DPYD: variants seen among roughly 807,000 people sequenced by gnomAD.
DPYD encodes the protein dihydropyrimidine dehydrogenase [NADP(+)].
Under a neutral mutation model 116.2 loss-of-function variants are expected in DPYD, and 109 were observed. The observed-to-expected ratio is 0.94, with a 90% CI of 0.80 to 1.10. The LOEUF (loss-of-function observed/expected upper bound fraction) is 1.10, where lower values mean the gene tolerates loss of function less well. DPYD is among the 50% of genes least tolerant of loss of function. The pLI is 0.00. For synonymous variants in DPYD, 440 were observed against 432.0 expected (o/e 1.02, Z -0.23); for missense variants, 1,302 against 1,254.5 (o/e 1.04, Z -0.57).
At chr1:97,112,623 G>A (rs1651680952) in intron 20 of DPYD, among the ~76,000 whole-genome samples, 1 of 151,998 alleles carries the variant, frequency 6.6e-6, no homozygotes, top group Non-Finnish European at 1.5e-5. Flanking sequence ...AATTCATCAG[G>A]GATTCCTGTA....
At chr1:97,194,502 TA>T in intron 19 of DPYD, among the ~76,000 whole-genome samples, 1 of 151,722 alleles carries the variant, frequency 6.6e-6, no homozygotes, top group Admixed American at 6.6e-5. Context: ...TATATCTTTT[TA>T]TTTATTTATT....
intron 16 of DPYD, among the ~76,000 whole-genome samples, chr1:97,332,310 A>C (rs1316385805): frequency 1.3e-5 from 2 of 152,240 alleles, no homozygotes; most frequent in East Asian, 3.8e-4. Context: ...AAAAGAGCTA[A>C]ATAAAAATGT....
chr1:97,502,772 C>G (rs1025691175), intron 13 of DPYD, among the ~76,000 whole-genome samples: 5 of 151,828 alleles, frequency 3.3e-5, no homozygotes, highest in Non-Finnish European at 7.4e-5. Flanking sequence ...GTCTGGCATA[C>G]AGATTATGGT....
chr1:97,595,772 T>C (rs1033110893), intron 8 of DPYD, among the ~76,000 whole-genome samples: 1 of 151,586 alleles, frequency 6.6e-6, no homozygotes. Context: ...AGCTTTTCAA[T>C]GGAAACATAA....
chr1:97,764,049 T>C (rs1009168663), intron 3 of DPYD, among the ~76,000 whole-genome samples: 27 of 152,108 alleles, frequency 1.8e-4, no homozygotes, highest in African/African-American at 6.0e-4. Context: ...TGACAGAACC[T>C]TTTGTGGTGA....
intron 19 of DPYD, among the ~76,000 whole-genome samples, chr1:97,222,627 A>C (rs999708548): frequency 6.6e-6 from 1 of 152,156 alleles, no homozygotes; most frequent in Admixed American, 6.5e-5. Flanking sequence ...ATAATGTGAT[A>C]ACTGACACAG....
At chr1:97,398,609 T>G (rs970603531) in intron 14 of DPYD, among the ~76,000 whole-genome samples, 2 of 152,168 alleles carry the variant, frequency 1.3e-5, no homozygotes, top group Non-Finnish European at 2.9e-5. Flanking sequence ...CAGCACCTGT[T>G]GTTTCCTGAC....
chr1:97,363,147 T>C (rs555606154), intron 16 of DPYD, among the ~76,000 whole-genome samples: 1 of 152,294 alleles, frequency 6.6e-6, no homozygotes, highest in African/African-American at 2.4e-5. Context: ...GCAAAGGATA[T>C]GAACAGACAT....
chr1:97,231,237 G>A (rs533843764), intron 19 of DPYD, among the ~76,000 whole-genome samples: 41 of 152,184 alleles, frequency 2.7e-4, no homozygotes, highest in South Asian at 8.3e-4. Context: ...TAATATTCCC[G>A]TCTTACAGGT....
chr1:97,551,791 T>C (rs796888418), intron 11 of DPYD, among the ~76,000 whole-genome samples: 9 of 152,218 alleles, frequency 5.9e-5, no homozygotes, highest in African/African-American at 2.2e-4. Flanking sequence ...GAGGATTCAA[T>C]CAACTGTGCA....
intron 19 of DPYD, among the ~76,000 whole-genome samples, chr1:97,222,362 C>A (rs1448789817): frequency 6.6e-6 from 1 of 152,072 alleles, no homozygotes; most frequent in Non-Finnish European, 1.5e-5. Flanking sequence ...TTGAAATAGT[C>A]ATTGTGCAAT....
chr1:97,896,999 T>G (rs139861982), intron 1 of DPYD, among the ~76,000 whole-genome samples: 7 of 152,102 alleles, frequency 4.6e-5, no homozygotes, highest in African/African-American at 1.7e-4. Flanking sequence ...TTTGCAATTA[T>G]GTAATCCTTG....
intron 20 of DPYD, among the ~76,000 whole-genome samples, chr1:97,123,597 G>C (rs1239720994): frequency 1.3e-5 from 2 of 152,030 alleles, no homozygotes; most frequent in Non-Finnish European, 2.9e-5. Context: ...TTGGTCCTTT[G>C]AATGTAAGAA....
chr1:97,382,452 C>A lies in DPYD; in HGVS notation c.1915G>T (p.Ala639Ser). Residue 639 changes from alanine (A) to serine (S), a missense_variant, in exon 15 of 23, where the codon GCT becomes TCT. By Grantham distance (99) the Ala-to-Ser change is moderately conservative. Coordinates refer to ENST00000370192, the MANE Select transcript of DPYD (RefSeq NM_000110.4). ...TTATTGTAACTGCACATAATGCTAG[C>A]AATCACAATCTTTAAAAAGAAAAAC... ...KADFPDNIVI[A>S]SIMCSYNKND... 1.9e-6 allele frequency: 3 copies of A among 1,584,428 alleles called. No homozygotes were observed. The highest frequency in any genetic ancestry group is 2.6e-6 in the Non-Finnish European group (3 of 1,165,628).
Position 97,450,138 on chromosome 1 carries a change from T to G in DPYD, c.1826A>C (p.Asn609Thr), listed in dbSNP as rs763572567. The stretch of plus-strand genomic sequence containing the variant: ...CGTTTTCTCACTGATGAGCTCAATA[T>G]TCAGAAAGGAGCTTTGTCCAGGGCC... ...MYGPGQSSFL[N>T]IELISEKTAA... The change falls in exon 14 of 23, where the codon AAT becomes ACT. Residue 609 changes from asparagine (N) to threonine (T), a missense_variant. Physicochemically the swap from Asn to Thr is moderately conservative, Grantham distance 65 (BLOSUM62 0). Coordinates refer to ENST00000370192, the MANE Select transcript of DPYD (RefSeq NM_000110.4). 1 of 1,613,968 alleles carries G rather than the reference T, an allele frequency of 6.2e-7. No homozygotes were observed. Among genetic ancestry groups the G allele is most frequent in the Non-Finnish European group, 8.5e-7 (1 of 1,179,902 alleles).
chr1:97,596,387 ATAAAT>A (rs1654886485), intron 8 of DPYD, among the ~76,000 whole-genome samples: 2 of 152,196 alleles, frequency 1.3e-5, no homozygotes, highest in African/African-American at 4.8e-5. Context: ...TATATCAACT[ATAAAT>A]TAGTAAATTC....
chr1:97,401,962 T>C (rs954362148), intron 14 of DPYD, among the ~76,000 whole-genome samples: 1 of 152,122 alleles, frequency 6.6e-6, no homozygotes, highest in East Asian at 1.9e-4. Flanking sequence ...CTGGGATGTC[T>C]TTTTTGTTCA....
intron 14 of DPYD, among the ~76,000 whole-genome samples, chr1:97,399,757 A>G (rs1050965434): frequency 6.6e-6 from 1 of 151,822 alleles, no homozygotes; most frequent in African/African-American, 2.4e-5. Flanking sequence ...TTTGTCTGTT[A>G]TTGGTGTTTA....
rs1653082420 is a variant in DPYD at position 97,573,878 on chromosome 1, C to T, written c.1221G>A (p.Gln407=). ...TTTCATCTTGCTCTGTCCGAACAAA[C>T]TGCATAGCAACAATTCTCCCACCTT... ...IVKGGRIVAM[Q]FVRTEQDETG... Residue 407 remains glutamine, a synonymous_variant, in exon 11 of 23, where the codon CAG becomes CAA. Coordinates refer to ENST00000370192, the MANE Select transcript of DPYD (RefSeq NM_000110.4). The T allele has an allele frequency of 6.2e-7, 1 of 1,613,718 alleles. No individual in the cohort carries two copies. Among genetic ancestry groups the T allele is most frequent in the African/African-American group, 1.3e-5 (1 of 75,012 alleles).
Sources: gnomAD v4.1 joint callset for allele counts (sites outside exome capture counted in the v4.1 genomes callset) on GRCh38, gnomAD v4.1.1 for gene constraint, MANE v1.5 for transcripts, NCBI Gene and HGNC (gene_info 2026-07-23, HGNC 2026-07-21) for gene names.